Variants in SLC38A9 observed in about 807,000 individuals in gnomAD.
The protein encoded by SLC38A9 is solute carrier family 38 member 9.
A neutral mutation model predicts 62.3 loss-of-function variants in SLC38A9; 48 were observed. That is an observed-to-expected ratio of 0.77 (90% CI 0.61 to 0.98). SLC38A9 has a LOEUF of 0.98. SLC38A9 is among the 50% of genes least tolerant of loss of function. The probability of loss-of-function intolerance (pLI) is 0.00; values close to 1 mark genes in which losing one functional copy is unlikely to be tolerated. For missense variants in SLC38A9, 541 were observed against 679.8 expected (o/e 0.80, Z 2.27); for synonymous variants, 204 against 227.7 (o/e 0.90, Z 0.94).
rs769465008 is a variant in SLC38A9 at position 55,678,138 on chromosome 5, G to GTTTTTTTTTTTTTTTT, written c.114-5444_114-5443insAAAAAAAAAAAAAAAA. On this transcript the variant is annotated intron_variant, in intron 3 of 15. Transcript: ENST00000396865. The stretch of plus-strand genomic sequence containing the variant: ...CCACAAAAGGTGAACAAGGTTACTG[G>GTTTTTTTTTTTTTTTT]TTTTTTTTTCTTTTTTTGAGACAGT... 2.3e-5 allele frequency among the ~76,000 whole-genome samples: 3 copies of GTTTTTTTTTTTTTTTT among 129,444 alleles called. 1 individual carries two copies. Among genetic ancestry groups the GTTTTTTTTTTTTTTTT allele is most frequent in the Non-Finnish European group, 3.2e-5 (2 of 61,860 alleles). 84.9% of individuals were successfully genotyped at this position (129,444 alleles called of 152,430 possible). A position where few individuals can be genotyped will look rare whatever the true frequency, so the allele number is the denominator to read the frequency against.
At chr5:55,693,449 C>A (rs1386482079) in intron 3 of SLC38A9, 1 of 152,090 alleles carries the variant, frequency 6.6e-6, no homozygotes, top group Admixed American at 6.6e-5. Context: ...ATTTTGATTG[C>A]TTTTAATCTT....
intron 11 of SLC38A9, among the ~76,000 whole-genome samples, chr5:55,647,851 G>A (rs968932939): frequency 3.9e-5 from 6 of 152,198 alleles, no homozygotes. Flanking sequence ...TGTACAACTA[G>A]TTTTTAACTG....
intron 3 of SLC38A9, chr5:55,693,576 G>C (rs1755031196): frequency 6.6e-6 from 1 of 152,278 alleles, no homozygotes; most frequent in South Asian, 2.1e-4. Context: ...TAGGCTGCTG[G>C]CATTTTAGGG....
intron 2 of SLC38A9, among the ~76,000 whole-genome samples, chr5:55,701,102 G>A (rs975975406): frequency 4.6e-5 from 7 of 152,122 alleles, no homozygotes; most frequent in Non-Finnish European, 1.0e-4. Context: ...CATTTGAAGT[G>A]CTCAAAATCC....
At chr5:55,665,232 C>G (rs1173546547) in intron 7 of SLC38A9, 1 of 154,484 alleles carries the variant, frequency 6.5e-6, no homozygotes, top group Non-Finnish European at 1.4e-5. Flanking sequence ...CTACCACATG[C>G]CAATATAAAT....
intron 13 of SLC38A9, 60 bp downstream of exon 13, chr5:55,635,484 A>T: frequency 1.6e-6 from 2 of 1,214,640 alleles, no homozygotes; most frequent in South Asian, 1.2e-5. Flanking sequence ...GTATCACCCT[A>T]CCTACTATAA....
chr5:55,645,656 G>A, intron 12 of SLC38A9, 133 bp downstream of exon 12: 1 of 692,592 alleles, frequency 1.4e-6, no homozygotes, highest in Non-Finnish European at 2.4e-6. Context: ...ACTGCTCTAT[G>A]GTTTAAGTTT....
chr5:55,654,002 C>T (rs1348295004), intron 9 of SLC38A9, among the ~76,000 whole-genome samples: 2 of 148,016 alleles, frequency 1.4e-5, no homozygotes, highest in Non-Finnish European at 3.0e-5. Flanking sequence ...GCAATTTCTT[C>T]TGTTATCAGA....
chr5:55,636,239 A>T (rs1004709475), intron 12 of SLC38A9, among the ~76,000 whole-genome samples: 1 of 152,204 alleles, frequency 6.6e-6, no homozygotes, highest in Admixed American at 6.5e-5. Flanking sequence ...GGAAATCAAA[A>T]GGCAGCTGTT....
At chr5:55,672,870 A>G (rs1182704119) in intron 3 of SLC38A9, 175 bp from the exon 4 acceptor site, 1 of 565,358 alleles carries the variant, frequency 1.8e-6, no homozygotes, top group Non-Finnish European at 3.0e-6. Context: ...TATCCTATCC[A>G]CAGAATAAAG....
intron 3 of SLC38A9, among the ~76,000 whole-genome samples, chr5:55,677,264 C>T (rs1752233793): frequency 6.6e-6 from 1 of 152,040 alleles, no homozygotes; most frequent in Non-Finnish European, 1.5e-5. Context: ...TCAAATAAAA[C>T]ATTAATATAT....
At chr5:55,633,637 G>T in intron 14 of SLC38A9, 117 bp downstream of exon 14, 1 of 1,372,858 alleles carries the variant, frequency 7.3e-7, no homozygotes, top group Non-Finnish European at 9.9e-7. Flanking sequence ...TCTATCTTTA[G>T]TCACCACTTG....
At chr5:55,701,394 TC>T (rs1366012198) in intron 2 of SLC38A9, among the ~76,000 whole-genome samples, 5 of 152,220 alleles carry the variant, frequency 3.3e-5, no homozygotes, top group Non-Finnish European at 7.3e-5. Flanking sequence ...TGATAAAATC[TC>T]TTTCTACTTG....
Position 55,688,324 on chromosome 5 carries a change from T to C in SLC38A9, c.113+9522A>G, listed in dbSNP as rs192005293. On this transcript the variant is annotated intron_variant, in intron 3 of 15. Coordinates refer to ENST00000396865, the MANE Select transcript of SLC38A9 (RefSeq NM_173514.4). ...ATAGGAGTAGTGAGGGAGGGCATCCTTGTCTTTGTACCATGTTTCAATCCC... is the reference window on the plus strand; with the variant it reads ...ATAGGAGTAGTGAGGGAGGGCATCCCTGTCTTTGTACCATGTTTCAATCCC... Among the ~76,000 whole-genome samples the C allele has an allele frequency of 2.6e-5, 4 of 152,190 alleles. No homozygotes were observed. The East Asian group carries it at 7.7e-4, about 29-fold the overall frequency.
At chr5:55,651,835 C>T (rs1429713187) in intron 10 of SLC38A9, among the ~76,000 whole-genome samples, 1 of 151,940 alleles carries the variant, frequency 6.6e-6, no homozygotes, top group Non-Finnish European at 1.5e-5. Flanking sequence ...TCAAGAATTC[C>T]TATAATATCC....
At chr5:55,662,973 C>A (rs567004242) in intron 8 of SLC38A9, among the ~76,000 whole-genome samples, 159 of 151,314 alleles carry the variant, frequency 1.1e-3, no homozygotes, top group African/African-American at 3.7e-3. Flanking sequence ...TCAGTCACTG[C>A]AACCTCTGCC....
Position 55,635,632 on chromosome 5 carries a change from A to C in SLC38A9, c.1193T>G (p.Met398Arg). 6.8e-6 allele frequency: 11 copies of C among 1,613,756 alleles called. No homozygotes were observed. Among genetic ancestry groups the C allele is most frequent in the Non-Finnish European group, 8.5e-6 (10 of 1,179,744 alleles). ...ATAGAGATAAGTTAATGTCACCAGCATATAAGCAATGCACAAGTCCCTCAC... is the reference window on the plus strand; with the variant it reads ...ATAGAGATAAGTTAATGTCACCAGCCTATAAGCAATGCACAAGTCCCTCAC... ...NNVRDLCIAYMLVTLTYLYIG... is the reference protein window; with the variant it reads ...NNVRDLCIAYRLVTLTYLYIG... The change falls in exon 13 of 16, where the codon ATG becomes AGG. Residue 398 changes from methionine (M) to arginine (R), a missense_variant. By Grantham distance (91) the Met-to-Arg change is moderately conservative. Coordinates refer to ENST00000396865, the MANE Select transcript of SLC38A9 (RefSeq NM_173514.4).
chr5:55,626,462 T>G lies in SLC38A9; in HGVS notation c.*32A>C. The G allele has an allele frequency of 6.3e-7, 1 of 1,579,728 alleles. No individual in the cohort carries two copies. The highest frequency in any genetic ancestry group is 8.6e-7 in the Non-Finnish European group (1 of 1,156,380). On this transcript the variant is annotated 3_prime_UTR_variant, in exon 16 of 16. Coordinates refer to ENST00000396865, the MANE Select transcript of SLC38A9 (RefSeq NM_173514.4). ...ACTGTTGTCAAGGCTCAAAATATCATGAGAGCTCTTGAAAAAAACAGTTGA... is the reference window on the plus strand; with the variant it reads ...ACTGTTGTCAAGGCTCAAAATATCAGGAGAGCTCTTGAAAAAAACAGTTGA...
intron 2 of SLC38A9, among the ~76,000 whole-genome samples, chr5:55,710,601 CT>C (rs1262258313): frequency 6.6e-6 from 1 of 151,922 alleles, no homozygotes; most frequent in Non-Finnish European, 1.5e-5. Context: ...CCTATTGAAA[CT>C]TTTTTTGTTT....
Sources: gnomAD v4.1 joint callset for allele counts (sites outside exome capture counted in the v4.1 genomes callset) on GRCh38, gnomAD v4.1.1 for gene constraint, MANE v1.5 for transcripts, NCBI Gene and HGNC (gene_info 2026-07-23, HGNC 2026-07-21) for gene names.